The following ANGPT1 variants were observed in gnomAD, a reference collection of about 807,000 sequenced individuals.
ANGPT1 encodes angiopoietin-1.
A neutral mutation model predicts 62.2 loss-of-function variants in ANGPT1; 17 were observed. The observed-to-expected ratio is 0.27, with a 90% CI of 0.19 to 0.41. The LOEUF (loss-of-function observed/expected upper bound fraction) is 0.41, where lower values mean the gene tolerates loss of function less well. ANGPT1 is among the 10% of genes least tolerant of loss of function. The pLI, the probability that ANGPT1 is intolerant of heterozygous loss-of-function variation, is 1.00. For missense variants in ANGPT1, 478 were observed against 594.9 expected, an observed-to-expected ratio of 0.80 and a Z score of 2.04; for synonymous variants, 199 against 198.9, an observed-to-expected ratio of 1.00 and a Z score of 0.00.
intron 1 of ANGPT1, among the ~76,000 whole-genome samples, chr8:107,373,671 A>G (rs931270697): frequency 6.6e-6 from 1 of 152,172 alleles, no homozygotes; most frequent in African/African-American, 2.4e-5. Context: ...GCTCTCTTGA[A>G]TATATTCTTT....
chr8:107,449,219 C>G (rs1811697290), intron 1 of ANGPT1, among the ~76,000 whole-genome samples: 1 of 152,060 alleles, frequency 6.6e-6, no homozygotes, highest in African/African-American at 2.4e-5. Flanking sequence ...AATAGATAGT[C>G]AGTGGAACAA....
chr8:107,360,891 C>T (rs1816147927), intron 1 of ANGPT1, among the ~76,000 whole-genome samples: 1 of 152,156 alleles, frequency 6.6e-6, no homozygotes, highest in African/African-American at 2.4e-5. Context: ...ACTTTGTAAG[C>T]CCAGCATAAA....
chr8:107,474,424 G>A (rs1396781992), intron 1 of ANGPT1, among the ~76,000 whole-genome samples: 1 of 152,110 alleles, frequency 6.6e-6, no homozygotes, highest in Non-Finnish European at 1.5e-5. Context: ...AGGTATTGAT[G>A]GGACATATCT....
chr8:107,463,334 G>A lies in ANGPT1; in HGVS notation c.297+33928C>T, dbSNP rs1316285280. On this transcript the variant is annotated intron_variant, in intron 1 of 8. Coordinates refer to ENST00000517746, the MANE Select transcript of ANGPT1 (RefSeq NM_001146.5). Reference sequence around the variant, plus strand: ...AACACCTTGATTATGGCCTCTGAGAGACTCTAGAGCAAAGGACCCACGTAA... The same window carrying A: ...AACACCTTGATTATGGCCTCTGAGAAACTCTAGAGCAAAGGACCCACGTAA... Among the ~76,000 whole-genome samples the A allele has an allele frequency of 2.0e-5, 3 of 152,054 alleles. 1 individual carries two copies. The South Asian group carries it at 6.2e-4, about 32-fold the overall frequency.
Position 107,318,903 on chromosome 8 carries a change from G to C in ANGPT1, c.808+2993C>G, listed in dbSNP as rs115127926. On this transcript the variant is annotated intron_variant, in intron 4 of 8. Transcript: ENST00000517746. ...GACAAAAGTTGTATATATTTATGGT[G>C]TACTACATACCTACCGGGTAGATAT... Among the ~76,000 whole-genome samples the C allele has an allele frequency of 6.2e-3, 940 of 152,126 alleles. 15 individuals carry two copies. The highest frequency in any genetic ancestry group is 0.021 in the African/African-American group (887 of 41,518).
chr8:107,496,247 T>C (rs1342843118), intron 1 of ANGPT1, among the ~76,000 whole-genome samples: 2 of 152,230 alleles, frequency 1.3e-5, no homozygotes, highest in African/African-American at 4.8e-5. Flanking sequence ...TCTAGTAGCA[T>C]AGTCAGTTGA....
intron 1 of ANGPT1, among the ~76,000 whole-genome samples, chr8:107,356,299 CT>C (rs1816043733): frequency 6.6e-6 from 1 of 152,184 alleles, no homozygotes; most frequent in Admixed American, 6.5e-5. Context: ...CTAACCATGT[CT>C]TAATCATTGC....
intron 1 of ANGPT1, among the ~76,000 whole-genome samples, chr8:107,350,335 A>G (rs943123900): frequency 1.3e-5 from 2 of 152,108 alleles, no homozygotes; most frequent in Non-Finnish European, 2.9e-5. Context: ...GATCTGCTTG[A>G]TAATTGTACA....
intron 1 of ANGPT1, among the ~76,000 whole-genome samples, chr8:107,481,836 T>A (rs1812696900): frequency 6.6e-6 from 1 of 152,088 alleles, no homozygotes; most frequent in Admixed American, 6.5e-5. Context: ...ACTCACCCAC[T>A]CTCATGAGAA....
intron 7 of ANGPT1, among the ~76,000 whole-genome samples, chr8:107,281,158 C>G (rs758849683): frequency 6.6e-6 from 1 of 151,990 alleles, no homozygotes; most frequent in African/African-American, 2.4e-5. Context: ...GCTCATCTAT[C>G]CATTCACAAC....
At chr8:107,326,503 C>T (rs1815292095) in intron 3 of ANGPT1, among the ~76,000 whole-genome samples, 1 of 152,042 alleles carries the variant, frequency 6.6e-6, no homozygotes, top group Non-Finnish European at 1.5e-5. Context: ...CACTCATCCC[C>T]TTTTTTCATC....
chr8:107,471,547 A>G (rs1350018189), intron 1 of ANGPT1, among the ~76,000 whole-genome samples: 2 of 152,150 alleles, frequency 1.3e-5, no homozygotes. Flanking sequence ...CAGAACTTAA[A>G]GCTAAAAAAA....
At position 107,494,867 on chromosome 8, in the gene ANGPT1, A is replaced by G. The variant is rs369911166; in HGVS notation, c.297+2395T>C. ...TGCCATGAGCTGCATAATAATCACT[A>G]TGCTTTGATTAATTATTTTGCCAAA... On this transcript the variant is annotated intron_variant, in intron 1 of 8. Coordinates refer to ENST00000517746, the MANE Select transcript of ANGPT1 (RefSeq NM_001146.5). The G allele has an allele frequency of 1.5e-4, 23 of 152,322 alleles. No individual in the cohort carries two copies. The East Asian group carries it at 4.0e-3, about 27-fold the overall frequency. The allele number at this position is 152,322 out of a possible 1,614,324, so 9.4% of individuals were successfully genotyped here.
chr8:107,264,833 G>C lies in ANGPT1; in HGVS notation c.1206-482C>G, dbSNP rs144301913. On this transcript the variant is annotated intron_variant, in intron 7 of 8. Coordinates refer to ENST00000517746, the MANE Select transcript of ANGPT1 (RefSeq NM_001146.5). ...GATTAAATTTTTATATTAAATCTGT[G>C]ATCCAGACATTAATATCCCCAATTT... Among the ~76,000 whole-genome samples, 5 of 152,228 alleles carry C rather than the reference G, an allele frequency of 3.3e-5. No individual in the cohort carries two copies. In the East Asian group the frequency reaches 9.7e-4, roughly 29 times the overall value.
At chr8:107,351,990 G>A (rs1026167219) in intron 1 of ANGPT1, among the ~76,000 whole-genome samples, 1 of 152,120 alleles carries the variant, frequency 6.6e-6, no homozygotes, top group Non-Finnish European at 1.5e-5. Flanking sequence ...TCTAAACAGA[G>A]GCTCAGGGAA....
At chr8:107,256,335 G>A (rs193219146) in intron 8 of ANGPT1, among the ~76,000 whole-genome samples, 138 of 152,176 alleles carry the variant, frequency 9.1e-4, no homozygotes, top group African/African-American at 2.3e-3. Context: ...TAATTTGTTC[G>A]TATCAAATAT....
chr8:107,456,692 T>C (rs894109115), intron 1 of ANGPT1, among the ~76,000 whole-genome samples: 2 of 152,088 alleles, frequency 1.3e-5, no homozygotes, highest in African/African-American at 4.8e-5. Flanking sequence ...CCTTTTACTT[T>C]AGTGGCATTT....
chr8:107,471,722 C>T (rs983782868), intron 1 of ANGPT1, among the ~76,000 whole-genome samples: 7 of 152,026 alleles, frequency 4.6e-5, no homozygotes, highest in Admixed American at 4.6e-4. Flanking sequence ...AAGGAGCAAG[C>T]ACTGCTTAGC....
intron 1 of ANGPT1, among the ~76,000 whole-genome samples, chr8:107,483,167 G>T (rs926684885): frequency 6.6e-6 from 1 of 152,186 alleles, no homozygotes; most frequent in African/African-American, 2.4e-5. Context: ...GATAATTTAT[G>T]TTCAGGGTAA....
Sources: allele counts gnomAD v4.1 joint callset (sites outside exome capture counted in the v4.1 genomes callset), GRCh38; gene constraint gnomAD v4.1.1; transcripts MANE v1.5; gene names NCBI Gene and HGNC (gene_info 2026-07-23, HGNC 2026-07-21).